Variants in LHPP observed in about 807,000 individuals in gnomAD.
LHPP encodes the protein hLHPP.
LHPP carries 24 observed loss-of-function variants against 30.3 expected under a neutral mutation model. The ratio of observed to expected loss-of-function variants is 0.79; its 90% CI spans 0.57 to 1.11. The LOEUF (loss-of-function observed/expected upper bound fraction) is 1.11. Ranked by LOEUF, LHPP falls within the 50% of genes most tolerant of loss-of-function variation. The pLI, the probability that LHPP is intolerant of heterozygous loss-of-function variation, is 0.00. For synonymous variants in LHPP, 150 were observed against 157.1 expected (o/e 0.95, Z 0.34); for missense variants, 356 against 367.2 (o/e 0.97, Z 0.25).
At chr10:124,504,403 G>T (rs1238169080) in intron 5 of LHPP, among the ~76,000 whole-genome samples, 2 of 140,906 alleles carry the variant, frequency 1.4e-5, no homozygotes, top group Non-Finnish European at 3.0e-5. Context: ...ACCAGCCTGG[G>T]CAACACGGAA....
intron 6 of LHPP, among the ~76,000 whole-genome samples, chr10:124,543,777 ATATT>A (rs1955263828): frequency 6.6e-6 from 1 of 152,172 alleles, no homozygotes; most frequent in African/African-American, 2.4e-5. Flanking sequence ...AAAAATTAAT[ATATT>A]TTTTTTTCTG....
In LHPP at chr10:124,498,604, T is replaced by C. The variant is rs946798665; in HGVS notation, c.624+476T>C. The C allele has an allele frequency of 9.3e-6, 7 of 754,714 alleles. No individual in the cohort carries two copies. In the African/African-American group the frequency reaches 1.1e-4, roughly 12 times the overall value. 46.8% of individuals were successfully genotyped at this position (754,714 alleles called of 1,614,324 possible). The stretch of plus-strand genomic sequence containing the variant: ...CGGTTATGATTTTATTGTCTACACC[T>C]ACCCCAACCCTAAGTGAGTCTGGCT... On this transcript the variant is annotated intron_variant, in intron 5 of 6. Transcript: ENST00000368842.
At chr10:124,604,169 T>G (rs12779515) in intron 6 of LHPP, among the ~76,000 whole-genome samples, 1 of 152,042 alleles carries the variant, frequency 6.6e-6, no homozygotes, top group African/African-American at 2.4e-5. Flanking sequence ...GGCATGTCAT[T>G]CCCCGACCTG....
intron 6 of LHPP, among the ~76,000 whole-genome samples, chr10:124,567,730 C>T (rs1399932503): frequency 2.6e-5 from 4 of 152,202 alleles, no homozygotes; most frequent in African/African-American, 7.2e-5. Flanking sequence ...CGCATATGCA[C>T]ACACATGCAC....
intron 5 of LHPP, among the ~76,000 whole-genome samples, chr10:124,499,103 T>C: frequency 6.6e-6 from 1 of 151,454 alleles, no homozygotes; most frequent in East Asian, 2.0e-4. Context: ...TGGTCTCAAA[T>C]TCCTGACCTC....
intron 6 of LHPP, among the ~76,000 whole-genome samples, chr10:124,543,991 C>T (rs59111116): frequency 0.083 from 12,575 of 152,312 alleles, 739 homozygotes; most frequent in African/African-American, 0.16. Context: ...CCAGAGTTGC[C>T]GGCATCTCAC....
intron 2 of LHPP, 93 bp downstream of exon 2, chr10:124,484,419 C>A: frequency 1.6e-6 from 2 of 1,232,856 alleles, no homozygotes; most frequent in Non-Finnish European, 2.3e-6. Context: ...CTGGGCCAAA[C>A]CACTGACTGA....
intron 6 of LHPP, among the ~76,000 whole-genome samples, chr10:124,567,689 C>T (rs1589871137): frequency 1.3e-5 from 2 of 152,324 alleles, no homozygotes; most frequent in Middle Eastern, 6.8e-3. Flanking sequence ...GATCTATGGT[C>T]GACTGAGCTG....
intron 6 of LHPP, among the ~76,000 whole-genome samples, chr10:124,524,132 G>A (rs1478773731): frequency 1.3e-5 from 2 of 151,960 alleles, no homozygotes; most frequent in East Asian, 1.9e-4. Context: ...CTGTGCAGTC[G>A]TCACCACAAT....
At chr10:124,527,592 G>T (rs1279466568) in intron 6 of LHPP, among the ~76,000 whole-genome samples, 1 of 152,136 alleles carries the variant, frequency 6.6e-6, no homozygotes, top group Non-Finnish European at 1.5e-5. Flanking sequence ...TGCTCTCCCT[G>T]ACTTTTCATG....
At position 124,517,244 on chromosome 10, in the gene LHPP, C is replaced by T. The variant is rs201380619; in HGVS notation, c.689C>T (p.Ala230Val). Residue 230 changes from alanine (A) to valine (V), a missense_variant, in exon 6 of 7, where the codon GCG (alanine) becomes GTG (valine). Coordinates refer to ENST00000368842, the MANE Select transcript of LHPP (RefSeq NM_022126.4). This position sits in a 1 kb window ranked among gnomAD's most constrained non-coding sequence, Gnocchi z 4.1. ...VGGAQRCGMR[A>V]LQVRTGKFRP... is the part of the protein sequence containing the mutation. The stretch of plus-strand genomic sequence containing the variant: ...GGTGCCCAGCGGTGTGGAATGAGAG[C>T]GCTGCAGGTGCGCACCGGGAAGTTC... 3.2e-5 allele frequency: 52 copies of T among 1,604,306 alleles called. No individual in the cohort carries two copies. Among genetic ancestry groups the T allele is most frequent in the East Asian group, 6.8e-5 (3 of 44,284 alleles).
chr10:124,541,153 T>C lies in LHPP; in HGVS notation c.716+23882T>C, dbSNP rs1021936285. Among the ~76,000 whole-genome samples the C allele has an allele frequency of 1.3e-5, 2 of 151,654 alleles. No individual in the cohort carries two copies. Among genetic ancestry groups the C allele is most frequent in the African/African-American group, 2.4e-5 (1 of 41,232 alleles). On this transcript the variant is annotated intron_variant, in intron 6 of 6. Transcript: ENST00000368842. The surrounding 1 kb of genome is among the most constrained non-coding windows in gnomAD (Gnocchi z 4.2). ...CACGCAGTGTGCCTGAGTCCTGGAGTGCGATGTATTCTGAGCCACCCAGAA... is the reference window on the plus strand; with the variant it reads ...CACGCAGTGTGCCTGAGTCCTGGAGCGCGATGTATTCTGAGCCACCCAGAA...
Position 124,576,487 on chromosome 10 carries a change from A to ACTCGC in LHPP, c.717-36774_717-36773insGCCTC, listed in dbSNP as rs1948664250. On this transcript the variant is annotated intron_variant, in intron 6 of 6. Transcript: ENST00000368842. The surrounding 1 kb of genome is among the most constrained non-coding windows in gnomAD (Gnocchi z 4.2). Reference sequence around the variant, plus strand: ...TCCAGAACCCCTATATCTTGCTCCCACTCCCTACCATATGCTGTTCCCAGA... The same window carrying ACTCGC: ...TCCAGAACCCCTATATCTTGCTCCCACTCGCCTCCCTACCATATGCTGTTCCCAGA... Among the ~76,000 whole-genome samples the ACTCGC allele has an allele frequency of 7.1e-6, 1 of 141,520 alleles. No homozygotes were observed. Among genetic ancestry groups the ACTCGC allele is most frequent in the Non-Finnish European group, 1.5e-5 (1 of 65,314 alleles). The allele number at this position is 141,520 out of a possible 152,430, so 92.8% of individuals were successfully genotyped here.
intron 6 of LHPP, among the ~76,000 whole-genome samples, chr10:124,544,509 G>T (rs1408486266): frequency 6.6e-6 from 1 of 151,510 alleles, no homozygotes; most frequent in African/African-American, 2.4e-5. Context: ...TCACAGGGGA[G>T]CAGGCGTGCT....
intron 6 of LHPP, among the ~76,000 whole-genome samples, chr10:124,554,864 T>C (rs1328905930): frequency 6.6e-6 from 1 of 152,260 alleles, no homozygotes; most frequent in African/African-American, 2.4e-5. Context: ...AACGAAGGAA[T>C]GAGGCAAATG....
In LHPP at chr10:124,496,030, G is replaced by A. The variant is rs142965896; in HGVS notation, c.468-931G>A. Among the ~76,000 whole-genome samples, 190 of 152,306 alleles carry A rather than the reference G, an allele frequency of 1.2e-3. 2 individuals are homozygous for A. The highest frequency in any genetic ancestry group is 1.6e-3 in the African/African-American group (65 of 41,572). On this transcript the variant is annotated intron_variant, in intron 3 of 6. Coordinates refer to ENST00000368842, the MANE Select transcript of LHPP (RefSeq NM_022126.4). The surrounding 1 kb of genome is among the most constrained non-coding windows in gnomAD (Gnocchi z 4.3). ...TTTTCTGCATACGTGCTTTCTCCACGTCTCCCATATCGTAAGGGCATGGCA... is the reference window on the plus strand; with the variant it reads ...TTTTCTGCATACGTGCTTTCTCCACATCTCCCATATCGTAAGGGCATGGCA...
chr10:124,574,874 G>C lies in LHPP; in HGVS notation c.717-38390G>C, dbSNP rs568683836. Among the ~76,000 whole-genome samples, 4 of 152,190 alleles carry C rather than the reference G, an allele frequency of 2.6e-5. No individual in the cohort carries two copies. In the East Asian group the frequency reaches 7.8e-4, roughly 30 times the overall value. ...GGGCTCCAGGCTTGGGCCCACTGCT[G>C]TCCTTCTCCACTCTCTCCCCAGGGA... On this transcript the variant is annotated intron_variant, in intron 6 of 6. Transcript: ENST00000368842.
intron 1 of LHPP, among the ~76,000 whole-genome samples, chr10:124,476,203 C>T (rs1952939261): frequency 6.6e-6 from 1 of 152,162 alleles, no homozygotes; most frequent in Non-Finnish European, 1.5e-5. Context: ...CCAGGAGGCC[C>T]AGCTAGGTCC....
intron 5 of LHPP, among the ~76,000 whole-genome samples, chr10:124,516,732 C>T (rs917233414): frequency 1.3e-5 from 2 of 152,078 alleles, no homozygotes; most frequent in Admixed American, 1.3e-4. Flanking sequence ...TAAGGCAATA[C>T]CTTCACCATT....
Sources: allele counts gnomAD v4.1 joint callset (sites outside exome capture counted in the v4.1 genomes callset), GRCh38; gene constraint gnomAD v4.1.1; non-coding constraint Gnocchi (gnomAD v3.1); transcripts MANE v1.5; gene names NCBI Gene and HGNC (gene_info 2026-07-23, HGNC 2026-07-21).